The following ZNF608 variants were observed in gnomAD, a reference collection of about 807,000 sequenced individuals.
The protein encoded by ZNF608 is renal carcinoma antigen NY-REN-36.
A neutral mutation model predicts 109.0 loss-of-function variants in ZNF608; 12 were observed. The ratio of observed to expected loss-of-function variants is 0.11; its 90% CI spans 0.07 to 0.18. The LOEUF is 0.18. Ranked by LOEUF, ZNF608 falls within the 10% of genes least tolerant of loss-of-function variation. The pLI, the probability that ZNF608 is intolerant of heterozygous loss-of-function variation, is 1.00. For missense variants in ZNF608, 1,707 were observed against 1,879.3 expected (o/e 0.91, Z 1.70); for synonymous variants, 732 against 717.4 (o/e 1.02, Z -0.33).
rs758449382 is a variant in ZNF608 at position 124,637,201 on chromosome 5, C to T, written c.*699G>A. Reference sequence around the variant, plus strand: ...CATTCAAGATTATCAAAAAATGACACCTCATTATTCACAGATGCTCATTAT... The same window carrying T: ...CATTCAAGATTATCAAAAAATGACATCTCATTATTCACAGATGCTCATTAT... On this transcript the variant is annotated 3_prime_UTR_variant, in exon 10 of 10. Coordinates refer to ENST00000513986, the MANE Select transcript of ZNF608 (RefSeq NM_020747.3). The T allele has an allele frequency of 1.2e-4, 19 of 152,442 alleles. No individual in the cohort carries two copies. The highest frequency in any genetic ancestry group is 2.2e-4 in the Non-Finnish European group (15 of 68,016). 9.4% of individuals were successfully genotyped at this position (152,442 alleles called of 1,614,324 possible). A position where few individuals can be genotyped will look rare whatever the true frequency, so the allele number is the denominator to read the frequency against.
At chr5:124,667,044 G>A (rs1751508872) in intron 3 of ZNF608, among the ~76,000 whole-genome samples, 1 of 152,112 alleles carries the variant, frequency 6.6e-6, no homozygotes, top group Non-Finnish European at 1.5e-5. Flanking sequence ...TGGAGCAGCA[G>A]ATTACAGAGA....
chr5:124,739,700 T>C (rs1457758155), intron 2 of ZNF608, among the ~76,000 whole-genome samples: 2 of 152,198 alleles, frequency 1.3e-5, no homozygotes, highest in African/African-American at 4.8e-5. Flanking sequence ...TACTGCAATT[T>C]CAAGTTTCTA....
At chr5:124,684,029 A>G (rs949292251) in intron 3 of ZNF608, among the ~76,000 whole-genome samples, 1 of 152,236 alleles carries the variant, frequency 6.6e-6, no homozygotes, top group East Asian at 1.9e-4. Context: ...CAGAAGTGCT[A>G]CTAGTTTAAT....
chr5:124,730,786 G>GT (rs1158195571), intron 2 of ZNF608, among the ~76,000 whole-genome samples: 2 of 152,200 alleles, frequency 1.3e-5, no homozygotes, highest in Non-Finnish European at 2.9e-5. Flanking sequence ...ATATTAAATT[G>GT]TGAGGGGCCG....
chr5:124,643,368 C>A, intron 7 of ZNF608, 143 bp downstream of exon 7: 2 of 726,962 alleles, frequency 2.8e-6, no homozygotes, highest in Admixed American at 3.1e-5. Context: ...TTGAACGCTC[C>A]ATTCTTTACG....
chr5:124,663,857 C>T (rs1179315918), intron 3 of ZNF608, among the ~76,000 whole-genome samples: 5 of 152,156 alleles, frequency 3.3e-5, no homozygotes, highest in Non-Finnish European at 7.3e-5. Context: ...GATAAAGTCT[C>T]CTGGTGCGGC....
intron 3 of ZNF608, among the ~76,000 whole-genome samples, chr5:124,688,472 A>C (rs1267271631): frequency 6.6e-6 from 1 of 152,222 alleles, no homozygotes; most frequent in Non-Finnish European, 1.5e-5. Context: ...TTGTCATCAA[A>C]ATGTCAGCAA....
At position 124,739,838 on chromosome 5, in the gene ZNF608, A is replaced by T. The variant is rs568626191; in HGVS notation, c.906+4246T>A. Among the ~76,000 whole-genome samples, 5 of 152,314 alleles carry T rather than the reference A, an allele frequency of 3.3e-5. No individual in the cohort carries two copies. The South Asian group carries it at 1.0e-3, about 32-fold the overall frequency. On this transcript the variant is annotated intron_variant, in intron 2 of 9. Transcript: ENST00000513986. The stretch of plus-strand genomic sequence containing the variant: ...ACGCTGAAAACGAAGAACAGATGGT[A>T]CTTTCCATGTTGTTCGAATCTGGTT...
intron 3 of ZNF608, among the ~76,000 whole-genome samples, chr5:124,669,991 T>C (rs957817531): frequency 2.0e-5 from 3 of 152,106 alleles, no homozygotes; most frequent in African/African-American, 7.2e-5. Flanking sequence ...CAGGTGGGAG[T>C]AGGATATATT....
intron 3 of ZNF608, among the ~76,000 whole-genome samples, chr5:124,665,183 A>ACC (rs1751428365): frequency 7.2e-6 from 1 of 138,314 alleles, no homozygotes; most frequent in African/African-American, 2.6e-5. Flanking sequence ...CTCCCCCCAA[A>ACC]AAAAAAAAAA....
intron 2 of ZNF608, among the ~76,000 whole-genome samples, chr5:124,724,392 A>T (rs1754055643): frequency 6.6e-6 from 1 of 151,340 alleles, no homozygotes; most frequent in Admixed American, 6.6e-5. Flanking sequence ...TTTTTAATTT[A>T]AAAAAAATAG....
At chr5:124,650,836 T>G (rs1465378787) in intron 3 of ZNF608, among the ~76,000 whole-genome samples, 2 of 152,268 alleles carry the variant, frequency 1.3e-5, no homozygotes, top group African/African-American at 4.8e-5. Flanking sequence ...TCACTTGCAT[T>G]ACCATTGCCA....
rs1580538379 is a variant in ZNF608 at position 124,648,966 on chromosome 5, C to T, written c.1418G>A (p.Ser473Asn). 6.2e-7 allele frequency: 1 copy of T among 1,614,048 alleles called. No homozygotes were observed. Among genetic ancestry groups the T allele is most frequent in the Non-Finnish European group, 8.5e-7 (1 of 1,179,984 alleles). ...GGANGKGRRG[S>N]LNASGRRTPP... ...TGTCCTTCGTCCGCTGGCATTGAGGCTGCCCCGCCTCCCTTTCCCATTGGC... is the reference window on the plus strand; with the variant it reads ...TGTCCTTCGTCCGCTGGCATTGAGGTTGCCCCGCCTCCCTTTCCCATTGGC... The change falls in exon 5 of 10, where the codon AGC (serine) becomes AAC (asparagine). Residue 473 changes from serine to asparagine, a missense_variant. Around this residue, in one of 7 missense-constraint regions of ZNF608, gnomAD observed 166 missense variants for 204.2 expected, o/e 0.81. Coordinates refer to ENST00000513986, the MANE Select transcript of ZNF608 (RefSeq NM_020747.3).
At position 124,744,164 on chromosome 5, in the gene ZNF608, T is replaced by A. The variant is rs139499592; in HGVS notation, c.826A>T (p.Met276Leu). The A allele has an allele frequency of 1.2e-6, 2 of 1,613,528 alleles. No individual in the cohort carries two copies. Among genetic ancestry groups the A allele is most frequent in the South Asian group, 2.2e-5 (2 of 91,058 alleles). ...TTCTTTACCAACATAGAGTTTCCCA[T>A]GAGCCCTGAATCCGGGGCACTTTTG... ...VSKSAPDSGL[M>L]GNSMLVKKEE... The change falls in exon 2 of 10, where the codon ATG becomes TTG. Residue 276 changes from methionine to leucine, a missense_variant. Coordinates refer to ENST00000513986, the MANE Select transcript of ZNF608 (RefSeq NM_020747.3). The surrounding 1 kb of genome is among the most constrained non-coding windows in gnomAD (Gnocchi z 4.5).
intron 3 of ZNF608, among the ~76,000 whole-genome samples, chr5:124,661,765 C>T (rs1293020695): frequency 6.6e-6 from 1 of 152,234 alleles, no homozygotes; most frequent in African/African-American, 2.4e-5. Flanking sequence ...TACACAGACA[C>T]TGAGATCGTC....
chr5:124,670,078 G>A (rs1184503327), intron 3 of ZNF608, among the ~76,000 whole-genome samples: 1 of 152,110 alleles, frequency 6.6e-6, no homozygotes, highest in Non-Finnish European at 1.5e-5. Context: ...CCTATGACAG[G>A]AGTATTAATA....
intron 3 of ZNF608, among the ~76,000 whole-genome samples, chr5:124,660,953 A>C (rs1187689227): frequency 6.6e-6 from 1 of 152,208 alleles, no homozygotes; most frequent in Non-Finnish European, 1.5e-5. Flanking sequence ...TACACTAATT[A>C]TCCCACATTG....
chr5:124,746,508 GT>G lies in ZNF608; in HGVS notation c.-498del. 1 of 985,092 alleles carries G rather than the reference GT, an allele frequency of 1.0e-6. No homozygotes were observed. The highest frequency in any genetic ancestry group is 1.2e-6 in the Non-Finnish European group (1 of 829,844). The allele number at this position is 985,092 out of a possible 1,614,324, so 61.0% of individuals were successfully genotyped here. ...CTCTTAACAAGCATCGAGAATAATA[GT>G]TTTTTAAAAAACAGAGAGTTTAGAG... On this transcript the variant is annotated 5_prime_UTR_variant, in exon 1 of 10. Transcript: ENST00000513986.
intron 2 of ZNF608, among the ~76,000 whole-genome samples, chr5:124,732,287 T>C (rs1748942208): frequency 6.6e-6 from 1 of 152,188 alleles, no homozygotes; most frequent in African/African-American, 2.4e-5. Context: ...GCATGCATCC[T>C]GAGTTATCAA....
Sources: gnomAD v4.1 joint callset for allele counts (sites outside exome capture counted in the v4.1 genomes callset) on GRCh38, gnomAD v4.1.1 for gene constraint, gnomAD v4.1.1 regional missense constraint, Gnocchi (gnomAD v3.1) non-coding constraint, MANE v1.5 for transcripts, NCBI Gene and HGNC (gene_info 2026-07-23, HGNC 2026-07-21) for gene names.